Variants in NUCB2 observed in about 807,000 individuals in gnomAD.
The protein encoded by NUCB2 is nucleobindin-2.
A neutral mutation model predicts 57.9 loss-of-function variants in NUCB2; 48 were observed. The observed-to-expected ratio is 0.83, with a 90% CI of 0.66 to 1.05. NUCB2 has a LOEUF of 1.05. Among genes scored for constraint, NUCB2 ranks in the 50% least tolerant of loss-of-function variants. The probability of loss-of-function intolerance (pLI) is 0.00; values close to 1 mark genes in which losing one functional copy is unlikely to be tolerated. For synonymous variants in NUCB2, 139 were observed against 152.1 expected, an observed-to-expected ratio of 0.91 and a Z score of 0.64; for missense variants, 442 against 476.2, an observed-to-expected ratio of 0.93 and a Z score of 0.67.
chr11:17,312,576 T>A (rs989151164), intron 10 of NUCB2, among the ~76,000 whole-genome samples: 46 of 151,978 alleles, frequency 3.0e-4, no homozygotes, highest in South Asian at 2.1e-4. Context: ...CTAATTTTTT[T>A]ATTTTTAGTA....
chr11:17,339,981 T>TGTTCC (rs1412963174), intron 2 of NUCB2, among the ~76,000 whole-genome samples: 1 of 152,150 alleles, frequency 6.6e-6, no homozygotes, highest in East Asian at 1.9e-4. Flanking sequence ...AGTGTAAAAG[T>TGTTCC]GTTCCTATTT....
chr11:17,301,179 G>A (rs183459754), intron 4 of NUCB2, among the ~76,000 whole-genome samples: 22 of 151,674 alleles, frequency 1.5e-4, no homozygotes, highest in African/African-American at 5.3e-4. Context: ...CACCATGTTG[G>A]CCGGGCTGGT....
chr11:17,285,370 C>T (rs1591207613), intron 2 of NUCB2, among the ~76,000 whole-genome samples: 2 of 152,160 alleles, frequency 1.3e-5, no homozygotes, highest in Admixed American at 1.3e-4. Context: ...GTCAAGAGAT[C>T]GAGACCAGCC....
In NUCB2 at chr11:17,311,879, T is replaced by C. The variant is rs1349816574; in HGVS notation, c.768T>C (p.Asn256=). The change falls in exon 9 of 14, where the codon AAT becomes AAC. Residue 256 remains asparagine, a synonymous_variant. Coordinates refer to ENST00000529010, the MANE Select transcript of NUCB2 (RefSeq NM_005013.4). The part of the protein sequence containing the change: ...PKTFFKLHDV[N]SDGFLDEQEL... ...GTAACTTTTAAACTTTAGATGTCAA[T>C]AGTGATGGATTCCTGGATGAACAAG... 6 of 1,587,100 alleles carry C rather than the reference T, an allele frequency of 3.8e-6. No homozygotes were observed. The highest frequency in any genetic ancestry group is 5.2e-6 in the Non-Finnish European group (6 of 1,163,576).
At chr11:17,333,695 G>A (rs1396240824), downstream of NUCB2, 2 of 152,078 alleles carry the variant, frequency 1.3e-5, no homozygotes, top group Non-Finnish European at 1.5e-5. Context: ...CTATTATTTG[G>A]CAGAAAATTC....
rs543205501 is a variant in NUCB2, at chr11:17,340,872, G to A, written n.2626+3338G>A. Among the ~76,000 whole-genome samples, 22 of 152,314 alleles carry A rather than the reference G, an allele frequency of 1.4e-4. No homozygotes were observed. The East Asian group carries it at 4.2e-3, about 29-fold the overall frequency. On this transcript the variant is annotated intron_variant and non_coding_transcript_variant, in intron 2 of 2. Coordinates refer to the NUCB2 transcript ENST00000532240. ...AATTCTGTGAAGAAAGGCATTGGTA[G>A]CTTGATGGGGATGGCGTTGAATCTA...
Position 17,330,234 on chromosome 11 carries a change from A to G in NUCB2, c.1110A>G (p.Lys370=), listed in dbSNP as rs1235454294. ...ELKKKADELQ[K]QKEELQRQHD... ...AGAAGAAGGCAGATGAGCTTCAGAA[A>G]CAAAAAGAAGAGCTACAACGTCAGC... The change falls in exon 12 of 14, where the codon AAA becomes AAG. Residue 370 remains lysine (K), a synonymous_variant. Transcript: ENST00000529010. The surrounding 1 kb of genome is among the most constrained non-coding windows in gnomAD (Gnocchi z 4.3). The G allele has an allele frequency of 2.5e-6, 4 of 1,612,002 alleles. No homozygotes were observed. The African/African-American group carries it at 4.0e-5, about 16-fold the overall frequency.
intron 2 of NUCB2, among the ~76,000 whole-genome samples, chr11:17,293,208 C>T (rs879544157): frequency 4.1e-5 from 6 of 145,642 alleles, no homozygotes; most frequent in Non-Finnish European, 8.9e-5. Flanking sequence ...GAGCCGAGAT[C>T]GGGCCATTGC....
intron 10 of NUCB2, 72 bp from the exon 11 acceptor site, chr11:17,315,314 A>G (rs1160139844): frequency 2.6e-6 from 2 of 757,346 alleles, no homozygotes; most frequent in Admixed American, 2.6e-5. Context: ...ATCTATTACA[A>G]GACAGTTGAT....
intron 2 of NUCB2, among the ~76,000 whole-genome samples, chr11:17,339,022 CTG>C (rs1410389217): frequency 6.6e-6 from 1 of 151,328 alleles, no homozygotes; most frequent in African/African-American, 2.4e-5. Flanking sequence ...GAGCCTCACT[CTG>C]TTGCCCAGGC....
At chr11:17,323,155 T>G (rs1224309059) in intron 11 of NUCB2, among the ~76,000 whole-genome samples, 3 of 152,192 alleles carry the variant, frequency 2.0e-5, no homozygotes, top group African/African-American at 7.2e-5. Context: ...CCTTGTTGTG[T>G]TCCAGATCTA....
intron 8 of NUCB2, 102 bp from the exon 9 acceptor site, chr11:17,311,770 C>A: frequency 2.8e-6 from 2 of 712,818 alleles, no homozygotes; most frequent in Non-Finnish European, 4.6e-6. Context: ...ATTGATGCTT[C>A]ACATCAGTAC....
At chr11:17,307,590 A>G (rs1947874780) in intron 5 of NUCB2, among the ~76,000 whole-genome samples, 1 of 152,082 alleles carries the variant, frequency 6.6e-6, no homozygotes, top group Admixed American at 6.5e-5. Context: ...ATCTTTCTGT[A>G]TTAGTACATA....
chr11:17,333,780 G>T (rs1445643623), downstream of NUCB2: 1 of 152,216 alleles, frequency 6.6e-6, no homozygotes, highest in African/African-American at 2.4e-5. Flanking sequence ...AAATGTTTCA[G>T]TTTGGAGTAC....
intron 4 of NUCB2, among the ~76,000 whole-genome samples, chr11:17,301,348 G>A (rs1369794409): frequency 7.3e-6 from 1 of 136,456 alleles, no homozygotes; most frequent in Non-Finnish European, 1.5e-5. Context: ...GTGCAATCTT[G>A]GCTCACTGCA....
At chr11:17,302,528 G>GA (rs1243018920) in intron 5 of NUCB2, among the ~76,000 whole-genome samples, 3 of 151,820 alleles carry the variant, frequency 2.0e-5, no homozygotes, top group African/African-American at 4.8e-5. Flanking sequence ...TCTAGCCCCA[G>GA]AAAAAAACAC....
chr11:17,346,714 C>T (rs190073739), intron 2 of NUCB2, among the ~76,000 whole-genome samples: 180 of 152,264 alleles, frequency 1.2e-3, no homozygotes, highest in Non-Finnish European at 2.2e-3. Flanking sequence ...TGCCCTTCAT[C>T]TAGCTTCCTC....
At chr11:17,314,833 A>G (rs1465327437) in intron 10 of NUCB2, among the ~76,000 whole-genome samples, 1 of 152,232 alleles carries the variant, frequency 6.6e-6, no homozygotes, top group Non-Finnish European at 1.5e-5. Flanking sequence ...TTCTTTGACC[A>G]TTATAGATTA....
intron 11 of NUCB2, among the ~76,000 whole-genome samples, chr11:17,315,805 G>C (rs1949156623): frequency 6.6e-6 from 1 of 151,992 alleles, no homozygotes; most frequent in Non-Finnish European, 1.5e-5. Context: ...ACTAATCAGA[G>C]GTAGATTCTT....
Sources: allele counts gnomAD v4.1 joint callset (sites outside exome capture counted in the v4.1 genomes callset), GRCh38; gene constraint gnomAD v4.1.1; non-coding constraint Gnocchi (gnomAD v3.1); transcripts MANE v1.5; gene names NCBI Gene and HGNC (gene_info 2026-07-23, HGNC 2026-07-21).